The following TDRP variants were observed in gnomAD, a reference collection of about 807,000 sequenced individuals.
The protein encoded by TDRP is testis development-related protein.
TDRP carries 12 observed loss-of-function variants against 10.5 expected under a neutral mutation model. That is an observed-to-expected ratio of 1.15 (90% CI 0.73 to 1.86). TDRP has a LOEUF of 1.86. Among genes scored for constraint, TDRP ranks in the 40% most tolerant of loss-of-function variants. The pLI, the probability that TDRP is intolerant of heterozygous loss-of-function variation, is 0.00. For missense variants in TDRP, 353 were observed against 229.2 expected, an observed-to-expected ratio of 1.54 and a Z score of -3.49; for synonymous variants, 139 against 95.4, an observed-to-expected ratio of 1.46 and a Z score of -2.67.
chr8:544,103 TAAGAA>T (rs1802572021), intron 1 of TDRP, among the ~76,000 whole-genome samples: 1 of 152,118 alleles, frequency 6.6e-6, no homozygotes, highest in Non-Finnish European at 1.5e-5. Context: ...ATCAAGAATT[TAAGAA>T]AATACTTGTT....
At chr8:495,264 C>T (rs1365173614) in intron 1 of TDRP, among the ~76,000 whole-genome samples, 6 of 152,040 alleles carry the variant, frequency 3.9e-5, no homozygotes. Context: ...AACAACAAAA[C>T]ACATAGGAGA....
intron 1 of TDRP, among the ~76,000 whole-genome samples, chr8:533,014 G>C (rs1802247628): frequency 6.6e-6 from 1 of 152,134 alleles, no homozygotes; most frequent in African/African-American, 2.4e-5. Context: ...TCTGGAGAGA[G>C]GAACTCATTT....
chr8:505,168 G>A (rs1447555939), intron 1 of TDRP, among the ~76,000 whole-genome samples: 2 of 152,086 alleles, frequency 1.3e-5, no homozygotes, highest in African/African-American at 2.4e-5. Context: ...CTGCCTACCT[G>A]CAAACGGACC....
intron 1 of TDRP, among the ~76,000 whole-genome samples, chr8:502,114 G>A (rs1264983671): frequency 6.6e-6 from 1 of 152,178 alleles, no homozygotes; most frequent in Non-Finnish European, 1.5e-5. Flanking sequence ...CTGTGATCCT[G>A]GGAACACAAA....
upstream of TDRP, chr8:544,847 T>G: frequency 6.0e-6 from 6 of 996,108 alleles, no homozygotes; most frequent in Non-Finnish European, 7.7e-6. Context: ...CTGCGGCTCC[T>G]GCGGGACGCG....
intron 1 of TDRP, among the ~76,000 whole-genome samples, chr8:512,904 G>A (rs995219705): frequency 4.6e-5 from 7 of 151,850 alleles, no homozygotes; most frequent in African/African-American, 1.5e-4. Context: ...CCTGGGAAGT[G>A]GAGGTTGCAG....
At chr8:520,700 T>C (rs975798686) in intron 1 of TDRP, among the ~76,000 whole-genome samples, 2 of 152,208 alleles carry the variant, frequency 1.3e-5, no homozygotes, top group Non-Finnish European at 2.9e-5. Flanking sequence ...ATTAGCAACG[T>C]TGAACATCTT....
rs539623339 is a variant in TDRP at position 492,140 on chromosome 8, C to T, written c.*259G>A. ...ATTATGGGAGAGCATCATAAATTCA[C>T]ATCTCCAGTTTCTGCAAAACATGGA... On this transcript the variant is annotated 3_prime_UTR_variant, in exon 3 of 3. Transcript: ENST00000324079. 1,254 of 1,245,866 alleles carry T rather than the reference C, an allele frequency of 1.0e-3. 1 individual carries two copies. Among genetic ancestry groups the T allele is most frequent in the Non-Finnish European group, 1.2e-3 (1,172 of 996,346 alleles). 77.2% of individuals were successfully genotyped at this position (1,245,866 alleles called of 1,614,324 possible). A position where few individuals can be genotyped will look rare whatever the true frequency, so the allele number is the denominator to read the frequency against.
chr8:536,580 T>C (rs1490643607), intron 1 of TDRP, among the ~76,000 whole-genome samples: 1 of 152,242 alleles, frequency 6.6e-6, no homozygotes, highest in Non-Finnish European at 1.5e-5. Context: ...TATCTTGTGC[T>C]GGTAAATGTA....
intron 1 of TDRP, among the ~76,000 whole-genome samples, chr8:501,282 C>G (rs2116737823): frequency 6.6e-6 from 1 of 152,216 alleles, no homozygotes; most frequent in South Asian, 2.1e-4. Context: ...CCTGCACCTA[C>G]CAGTTCAGTC....
intron 1 of TDRP, among the ~76,000 whole-genome samples, chr8:499,703 A>G (rs1023586206): frequency 6.6e-6 from 1 of 152,218 alleles, no homozygotes; most frequent in African/African-American, 2.4e-5. Context: ...TCAAAACCAG[A>G]TATCTCGGTC....
intron 1 of TDRP, among the ~76,000 whole-genome samples, chr8:522,108 T>C (rs1801920115): frequency 6.6e-6 from 1 of 152,182 alleles, no homozygotes; most frequent in Admixed American, 6.5e-5. Context: ...ACATTTTTTG[T>C]GTGTTTGGGA....
At chr8:543,614 C>T (rs975242922) in intron 1 of TDRP, among the ~76,000 whole-genome samples, 6 of 150,964 alleles carry the variant, frequency 4.0e-5, no homozygotes, top group African/African-American at 1.5e-4. Context: ...CAGACAAGTT[C>T]AGATAGTAAC....
At chr8:525,984 T>C (rs571478850) in intron 1 of TDRP, among the ~76,000 whole-genome samples, 13 of 152,322 alleles carry the variant, frequency 8.5e-5, no homozygotes, top group Non-Finnish European at 1.6e-4. Flanking sequence ...CTTATTGTTA[T>C]TGGTCTGTTC....
rs572651062 is a variant in TDRP, at chr8:497,371, TG to T, written c.109-2775del. Among the ~76,000 whole-genome samples the T allele has an allele frequency of 2.0e-4, 30 of 152,352 alleles. No homozygotes were observed. In the South Asian group the frequency reaches 4.8e-3, roughly 24 times the overall value. ...CTTAGCAAAGAGACTGGTGGCATTT[TG>T]CCCCTGCCCAAGAGATATGTGGAAC... On this transcript the variant is annotated intron_variant, in intron 1 of 2. Transcript: ENST00000324079.
chr8:511,660 C>A (rs951710575), intron 1 of TDRP, among the ~76,000 whole-genome samples: 1 of 152,180 alleles, frequency 6.6e-6, no homozygotes, highest in Non-Finnish European at 1.5e-5. Context: ...CAAGTGCAAA[C>A]AGATCAGTCT....
At chr8:532,365 T>C (rs1293263927) in intron 1 of TDRP, among the ~76,000 whole-genome samples, 1 of 152,158 alleles carries the variant, frequency 6.6e-6, no homozygotes, top group Non-Finnish European at 1.5e-5. Context: ...GAAGGGCACA[T>C]ATTAGCCCCC....
intron 1 of TDRP, among the ~76,000 whole-genome samples, chr8:500,529 C>T (rs1210719847): frequency 1.3e-5 from 2 of 152,240 alleles, no homozygotes; most frequent in African/African-American, 4.8e-5. Context: ...AACCAAGTGA[C>T]ACTCTCAGAA....
intron 1 of TDRP, 26 bp from the exon 2 acceptor site, chr8:494,623 A>G: frequency 6.3e-7 from 1 of 1,593,800 alleles, no homozygotes; most frequent in East Asian, 2.2e-5. Flanking sequence ...GAAAAATGTC[A>G]AATCTGATGT....
Sources: allele counts gnomAD v4.1 joint callset (sites outside exome capture counted in the v4.1 genomes callset), GRCh38; gene constraint gnomAD v4.1.1; transcripts MANE v1.5; gene names NCBI Gene and HGNC (gene_info 2026-07-23, HGNC 2026-07-21).